Variants in CCDC22 observed in about 807,000 individuals in gnomAD.
CCDC22 encodes the protein coiled-coil domain-containing protein 22.
CCDC22 carries 4 observed loss-of-function variants against 53.1 expected under a neutral mutation model. The observed-to-expected ratio is 0.08, with a 90% CI of 0.04 to 0.17. CCDC22 has a LOEUF of 0.17. Ranked by LOEUF, CCDC22 falls within the 10% of genes least tolerant of loss-of-function variation. The probability of loss-of-function intolerance (pLI) is 1.00; values close to 1 mark genes in which losing one functional copy is unlikely to be tolerated. For missense variants in CCDC22, 458 were observed against 554.0 expected (o/e 0.83, Z 1.74); for synonymous variants, 222 against 224.4 (o/e 0.99, Z 0.10).
At position 49,249,272 on chromosome X, in the gene CCDC22, A is replaced by G. The variant is rs782229952; in HGVS notation, c.1635+10A>G. On this transcript the variant is annotated intron_variant, in intron 14 of 16. Coordinates refer to ENST00000376227, the MANE Select transcript of CCDC22 (RefSeq NM_014008.5). Reference sequence around the variant, plus strand: ...TGAGCTTGTGTTCAAGGTGTGGGGCAGGTTGGGCGGGGGTGAGTGGGGTGA... The same window carrying G: ...TGAGCTTGTGTTCAAGGTGTGGGGCGGGTTGGGCGGGGGTGAGTGGGGTGA... The G allele has an allele frequency of 9.6e-7, 1 of 1,037,968 alleles. No homozygotes were observed. The highest frequency in any genetic ancestry group is 2.6e-4 in the Middle Eastern group (1 of 3,881). The allele number at this position is 1,037,968 out of a possible 1,213,427, so 85.5% of individuals were successfully genotyped here.
rs906266011 is a variant in CCDC22, at chrX:49,247,732, G to A, written c.1056G>A (p.Glu352=). The A allele has an allele frequency of 8.3e-7, 1 of 1,210,932 alleles. No individual in the cohort carries two copies. Among genetic ancestry groups the A allele is most frequent in the Non-Finnish European group, 1.1e-6 (1 of 895,090 alleles). Residue 352 remains glutamate, a synonymous_variant, in exon 9 of 17, where the codon GAG becomes GAA. Transcript: ENST00000376227. ...TGAACCGCAGCATTGAGGAGGTTGAGGCCGACATGAAGACCCTGGGCGTCA... is the reference window on the plus strand; with the variant it reads ...TGAACCGCAGCATTGAGGAGGTTGAAGCCGACATGAAGACCCTGGGCGTCA... ...EGVNRSIEEV[E]ADMKTLGVSF...
intron 2 of CCDC22, chrX:49,239,470 A>G (rs2065953667): frequency 2.7e-6 from 2 of 741,689 alleles, no homozygotes; most frequent in Non-Finnish European, 3.2e-6. Context: ...TAGTGAATGG[A>G]AACACTTTGA....
rs1557114877 is a variant in CCDC22 at position 49,248,939 on chromosome X, C to T, written c.1539+15C>T. 7.5e-6 allele frequency: 9 copies of T among 1,204,410 alleles called. No individual in the cohort carries two copies. Among genetic ancestry groups the T allele is most frequent in the African/African-American group, 3.5e-5 (2 of 57,813 alleles). On this transcript the variant is annotated intron_variant, in intron 13 of 16. Coordinates refer to ENST00000376227, the MANE Select transcript of CCDC22 (RefSeq NM_014008.5). ...AGATCACCAAGGTACACTGCCAGGGCCATGGAGGGTGGGTCATGTGGGCTG... is the reference window on the plus strand; with the variant it reads ...AGATCACCAAGGTACACTGCCAGGGTCATGGAGGGTGGGTCATGTGGGCTG...
chrX:49,237,241 T>C lies in CCDC22; in HGVS notation c.206T>C (p.Met69Thr), dbSNP rs1224699399. 8.3e-7 allele frequency: 1 copy of C among 1,209,895 alleles called. No individual in the cohort carries two copies. Among genetic ancestry groups the C allele is most frequent in the Non-Finnish European group, 1.1e-6 (1 of 894,326 alleles). ...LAMSARFRLA[M>T]SLAQACMDLG... is the part of the protein sequence containing the mutation. ...ATGTCTGCCCGGTTCCGCCTGGCCA[T>C]GAGCCTGGCTCAGGCCTGCATGGTG... The change falls in exon 2 of 17, where the codon ATG becomes ACG. Residue 69 changes from methionine to threonine, a missense_variant. By Grantham distance (81) the Met-to-Thr change is moderately conservative (BLOSUM62 -1). This residue lies in a region of CCDC22 where 55 missense variants were observed against 106.0 expected (regional missense o/e 0.52). Coordinates refer to ENST00000376227, the MANE Select transcript of CCDC22 (RefSeq NM_014008.5).
chrX:49,243,040 C>T (rs376963181), intron 4 of CCDC22, 48 bp downstream of exon 4: 2 of 1,138,140 alleles, frequency 1.8e-6, no homozygotes, highest in Non-Finnish European at 2.4e-6. Flanking sequence ...CGTCTGGGTG[C>T]CCAGGGTTTT....
intron 1 of CCDC22, among the ~76,000 whole-genome samples, chrX:49,235,996 G>A (rs1263373419): frequency 1.8e-5 from 2 of 108,747 alleles, no homozygotes; most frequent in African/African-American, 3.4e-5. Context: ...CTCAAGACCC[G>A]GAACCCTGTA....
At chrX:49,243,225 G>T (rs1027661399) in intron 5 of CCDC22, 41 bp downstream of exon 5, 6 of 1,202,546 alleles carry the variant, frequency 5.0e-6, no homozygotes, top group South Asian at 3.6e-5. Context: ...AGGAAGGTGG[G>T]GGGGAACCTC....
chrX:49,237,392 G>GCAACAC, intron 2 of CCDC22, 129 bp downstream of exon 2: 3 of 627,366 alleles, frequency 4.8e-6, no homozygotes, highest in Non-Finnish European at 7.1e-6. Flanking sequence ...CCTTTCCTCT[G>GCAACAC]TCATTTTTCC....
At position 49,246,901 on chromosome X, in the gene CCDC22, C is replaced by T. The variant is rs1557114296; in HGVS notation, c.885C>T (p.His295=). 2 of 1,197,219 alleles carry T rather than the reference C, an allele frequency of 1.7e-6. No individual in the cohort carries two copies. The highest frequency in any genetic ancestry group is 2.3e-6 in the Non-Finnish European group (2 of 887,710). The part of the protein sequence containing the change: ...TGAPKGSRFT[H]SEKFTFHLEP... ...CTCCTAAGGGCTCCCGCTTCACGCACTCAGAGAAGTTCACCTTCCATCTGG... is the reference window on the plus strand; with the variant it reads ...CTCCTAAGGGCTCCCGCTTCACGCATTCAGAGAAGTTCACCTTCCATCTGG... The change falls in exon 7 of 17, where the codon CAC becomes CAT. Residue 295 remains histidine, a synonymous_variant. Coordinates refer to ENST00000376227, the MANE Select transcript of CCDC22 (RefSeq NM_014008.5).
Position 49,237,226 on chromosome X carries a change from G to A in CCDC22, c.191G>A (p.Arg64Gln). 2 of 1,210,504 alleles carry A rather than the reference G, an allele frequency of 1.7e-6. No homozygotes were observed. The highest frequency in any genetic ancestry group is 2.2e-6 in the Non-Finnish European group (2 of 894,832). Residue 64 changes from arginine (R) to glutamine (Q), a missense_variant, in exon 2 of 17, where the codon CGG becomes CAG. This residue lies in a region of CCDC22 where 55 missense variants were observed against 106.0 expected (regional missense o/e 0.52). Transcript: ENST00000376227. ...CTGCTGCCTCTTGCCATGTCTGCCC[G>A]GTTCCGCCTGGCCATGAGCCTGGCT... ...SPLLPLAMSA[R>Q]FRLAMSLAQA...
At chrX:49,244,327 T>A (rs1557113883) in intron 6 of CCDC22, among the ~76,000 whole-genome samples, 1 of 110,284 alleles carries the variant, frequency 9.1e-6, no homozygotes, top group African/African-American at 3.3e-5. Context: ...TGCACCTTTT[T>A]ATCTGTGTCC....
chrX:49,245,513 C>T (rs2065985010), intron 6 of CCDC22, among the ~76,000 whole-genome samples: 1 of 111,278 alleles, frequency 9.0e-6, no homozygotes, highest in South Asian at 3.8e-4. Context: ...GCTAGGACTA[C>T]AGGCATGCAC....
chrX:49,241,195 A>C (rs1050745431), intron 2 of CCDC22, among the ~76,000 whole-genome samples: 2 of 111,757 alleles, frequency 1.8e-5, no homozygotes, highest in African/African-American at 6.5e-5. Flanking sequence ...TGGAAGAAAA[A>C]GGCTTTCCTA....
At chrX:49,247,363 C>A in intron 7 of CCDC22, 133 bp from the exon 8 acceptor site, 1 of 571,176 alleles carries the variant, frequency 1.8e-6, no homozygotes, top group Non-Finnish European at 2.8e-6. Flanking sequence ...CACATAGTCA[C>A]AGTCTGGCCA....
chrX:49,238,005 G>T (rs1413608211), intron 2 of CCDC22, among the ~76,000 whole-genome samples: 1 of 108,813 alleles, frequency 9.2e-6, no homozygotes, highest in Non-Finnish European at 1.9e-5. Context: ...TGATCCACCT[G>T]CCTTGGCCTC....
At chrX:49,236,921 T>C in intron 1 of CCDC22, 165 bp from the exon 2 acceptor site, 1 of 390,292 alleles carries the variant, frequency 2.6e-6, no homozygotes. Context: ...CCCTAGTTCC[T>C]GGTTTTCCAA....
chrX:49,244,591 C>T (rs1044656929), intron 6 of CCDC22, among the ~76,000 whole-genome samples: 3 of 109,270 alleles, frequency 2.7e-5, no homozygotes, highest in South Asian at 3.9e-4. Context: ...GACGGTGTCT[C>T]GCTCTGTCAC....
chrX:49,243,470 C>T lies in CCDC22; in HGVS notation c.714+8C>T. On this transcript the variant is annotated splice_region_variant and intron_variant, in intron 6 of 16. Transcript: ENST00000376227. The stretch of plus-strand genomic sequence containing the variant: ...TCCCGCCTCCCACCCCAGGTACAGC[C>T]AGATGCCTGGCTCCCTGCTGTCTGG... 1 of 1,147,713 alleles carries T rather than the reference C, an allele frequency of 8.7e-7. No homozygotes were observed. The highest frequency in any genetic ancestry group is 1.2e-6 in the Non-Finnish European group (1 of 859,037). The allele number at this position is 1,147,713 out of a possible 1,213,427, so 94.6% of individuals were successfully genotyped here.
rs782171344 is a variant in CCDC22 at position 49,250,447 on chromosome X, C to T, written c.*186C>T. 4.6e-5 allele frequency: 23 copies of T among 504,018 alleles called. No individual in the cohort carries two copies. The highest frequency in any genetic ancestry group is 3.3e-4 in the Middle Eastern group (1 of 3,055). The allele number at this position is 504,018 out of a possible 1,213,427, so 41.5% of individuals were successfully genotyped here. On this transcript the variant is annotated 3_prime_UTR_variant, in exon 17 of 17. Coordinates refer to ENST00000376227, the MANE Select transcript of CCDC22 (RefSeq NM_014008.5). ...GTGATAGTCCAGCATGTGGGGAGCT[C>T]GGCTGCAGTTTATTGGGGACGGTAC...
Sources: allele counts gnomAD v4.1 joint callset (sites outside exome capture counted in the v4.1 genomes callset), GRCh38; gene constraint gnomAD v4.1.1; regional missense constraint gnomAD v4.1.1; transcripts MANE v1.5; gene names NCBI Gene and HGNC (gene_info 2026-07-23, HGNC 2026-07-21).